Variants in RSF1 observed in about 807,000 individuals in gnomAD.
The protein encoded by RSF1 is remodeling and spacing factor 1.
Under a neutral mutation model 145.2 loss-of-function variants are expected in RSF1, and 13 were observed. That is an observed-to-expected ratio of 0.09 (90% CI 0.06 to 0.14). The LOEUF (loss-of-function observed/expected upper bound fraction) is 0.14, where lower values mean the gene tolerates loss of function less well. RSF1 is among the 10% of genes least tolerant of loss of function. RSF1 has a pLI of 1.00. For missense variants in RSF1, 1,517 were observed against 1,718.2 expected, an observed-to-expected ratio of 0.88 and a Z score of 2.07; for synonymous variants, 577 against 592.6, an observed-to-expected ratio of 0.97 and a Z score of 0.38.
intron 1 of RSF1, among the ~76,000 whole-genome samples, chr11:77,783,625 T>C (rs1948426278): frequency 1.3e-5 from 2 of 152,152 alleles, no homozygotes; most frequent in Middle Eastern, 3.2e-3. Context: ...GCGGATTGCT[T>C]GAGCCCAGGA....
chr11:77,869,900 G>A, the RSF1 span: 2 of 1,350,546 alleles, frequency 1.5e-6, no homozygotes, highest in Non-Finnish European at 2.1e-6. Flanking sequence ...CTTCTTGGGA[G>A]GTCATCTTTA....
chr11:77,706,309 C>G (rs1489038545), intron 5 of RSF1, among the ~76,000 whole-genome samples: 1 of 152,038 alleles, frequency 6.6e-6, no homozygotes, highest in African/African-American at 2.4e-5. Context: ...TGTGTCACCT[C>G]CACCTTGGCC....
rs73508741 is a variant in RSF1 at position 77,708,190 on chromosome 11, T to C, written c.734-5695A>G. On this transcript the variant is annotated intron_variant, in intron 5 of 15. Transcript: ENST00000308488. ...ATCCCAGCACTTTGGTGGGCCAAAG[T>C]GGGCAGATCATTTGAGCCCAGGAGT... is the stretch of plus-strand genomic sequence containing the variant. 5.0e-3 allele frequency among the ~76,000 whole-genome samples: 765 copies of C among 152,258 alleles called. 8 individuals are homozygous for C. The highest frequency in any genetic ancestry group is 0.018 in the African/African-American group (732 of 41,548).
chr11:77,695,803 T>A (rs1440920982), intron 7 of RSF1, among the ~76,000 whole-genome samples: 1 of 152,182 alleles, frequency 6.6e-6, no homozygotes, highest in Non-Finnish European at 1.5e-5. Context: ...AAGATATATA[T>A]GTATGGATAT....
chr11:77,736,898 T>G (rs1262787083), intron 4 of RSF1, among the ~76,000 whole-genome samples: 1 of 152,240 alleles, frequency 6.6e-6, no homozygotes, highest in Non-Finnish European at 1.5e-5. Flanking sequence ...CAAGGATGTA[T>G]GTAATAGAAT....
At chr11:77,800,138 T>C (rs748837484) in intron 1 of RSF1, among the ~76,000 whole-genome samples, 4 of 152,042 alleles carry the variant, frequency 2.6e-5, no homozygotes, top group Non-Finnish European at 4.4e-5. Context: ...CCAACCTGGG[T>C]GACGTGGCAA....
chr11:77,674,499 T>C (rs143637295), intron 14 of RSF1, among the ~76,000 whole-genome samples: 49 of 152,340 alleles, frequency 3.2e-4, no homozygotes, highest in Middle Eastern at 3.4e-3. Context: ...TTGAGAATGA[T>C]TTCCAAGAAA....
At chr11:77,676,199 T>G (rs947766795) in intron 13 of RSF1, among the ~76,000 whole-genome samples, 2 of 152,250 alleles carry the variant, frequency 1.3e-5, no homozygotes, top group Non-Finnish European at 2.9e-5. Context: ...ACTTTAAGGT[T>G]TACTCTTTGG....
chr11:77,825,606 A>G (rs1949133024), upstream of RSF1, among the ~76,000 whole-genome samples: 1 of 152,108 alleles, frequency 6.6e-6, no homozygotes, highest in African/African-American at 2.4e-5. Context: ...CATTTTCTGG[A>G]TATTTGTCTT....
intron 5 of RSF1, among the ~76,000 whole-genome samples, chr11:77,717,084 G>A (rs550848315): frequency 7.9e-5 from 12 of 151,188 alleles, no homozygotes; most frequent in Admixed American, 1.3e-4. Context: ...GGTCTGAGGC[G>A]GAAGGATCAC....
At chr11:77,721,826 G>T (rs751291835) in intron 5 of RSF1, among the ~76,000 whole-genome samples, 1 of 152,100 alleles carries the variant, frequency 6.6e-6, no homozygotes, top group Non-Finnish European at 1.5e-5. Context: ...CTGAATGAAT[G>T]AATGAATGAA....
intron 1 of RSF1, among the ~76,000 whole-genome samples, chr11:77,785,923 C>A: frequency 8.6e-5 from 2 of 23,198 alleles, no homozygotes; most frequent in Non-Finnish European, 1.5e-4. Context: ...GAGATTCTGT[C>A]TCAAAAAAAA....
chr11:77,683,143 T>C (rs1477335969), intron 11 of RSF1, among the ~76,000 whole-genome samples: 3 of 151,896 alleles, frequency 2.0e-5, no homozygotes, highest in African/African-American at 7.3e-5. Flanking sequence ...ATACAAAAAT[T>C]AGCTGGGCGT....
At chr11:77,823,315 G>A (rs555769293), upstream of RSF1, among the ~76,000 whole-genome samples, 2 of 151,946 alleles carry the variant, frequency 1.3e-5, no homozygotes, top group South Asian at 4.2e-4. Flanking sequence ...TAATAAGTCG[G>A]AAAATATTGT....
chr11:77,724,447 G>A (rs984389929), intron 5 of RSF1, among the ~76,000 whole-genome samples: 2 of 152,128 alleles, frequency 1.3e-5, no homozygotes, highest in Non-Finnish European at 2.9e-5. Flanking sequence ...TATTCACAAC[G>A]TCCAAAAGGT....
At chr11:77,778,903 C>A (rs759142169) in intron 1 of RSF1, among the ~76,000 whole-genome samples, 1 of 152,132 alleles carries the variant, frequency 6.6e-6, no homozygotes, top group Non-Finnish European at 1.5e-5. Flanking sequence ...TTTCTTTAGT[C>A]CCTAAGTTAT....
the RSF1 span, among the ~76,000 whole-genome samples, chr11:77,845,997 TA>T: frequency 6.6e-6 from 1 of 152,088 alleles, no homozygotes; most frequent in African/African-American, 2.4e-5. Context: ...TTGTTTTGTT[TA>T]TATTTCTCAT....
At chr11:77,697,184 C>T (rs949120164) in intron 7 of RSF1, among the ~76,000 whole-genome samples, 4 of 151,984 alleles carry the variant, frequency 2.6e-5, no homozygotes, top group African/African-American at 9.7e-5. Flanking sequence ...CTTTTCCCAT[C>T]ACATCATAAT....
intron 5 of RSF1, among the ~76,000 whole-genome samples, chr11:77,719,584 G>A (rs574464537): frequency 6.6e-6 from 1 of 152,102 alleles, no homozygotes; most frequent in African/African-American, 2.4e-5. Flanking sequence ...TTTAGATGTC[G>A]ACAGCAACTT....
Sources: gnomAD v4.1 joint callset for allele counts (sites outside exome capture counted in the v4.1 genomes callset) on GRCh38, gnomAD v4.1.1 for gene constraint, MANE v1.5 for transcripts, NCBI Gene and HGNC (gene_info 2026-07-23, HGNC 2026-07-21) for gene names.